Variants in PRR16 observed in about 807,000 individuals in gnomAD.
PRR16 encodes protein Largen.
A neutral mutation model predicts 18.2 loss-of-function variants in PRR16; 6 were observed. The ratio of observed to expected loss-of-function variants is 0.33; its 90% confidence interval spans 0.18 to 0.65. PRR16 has a LOEUF of 0.65. Ranked by LOEUF, PRR16 falls within the 30% of genes least tolerant of loss-of-function variation. The probability of loss-of-function intolerance (pLI) is 0.74; values close to 1 mark genes in which losing one functional copy is unlikely to be tolerated. For missense variants in PRR16, 412 were observed against 376.6 expected (o/e 1.09, Z -0.78); for synonymous variants, 151 against 147.8 (o/e 1.02, Z -0.16).
At position 120,680,852 on chromosome 5, in the gene PRR16, C is replaced by G. The variant is rs114682372; in HGVS notation, c.160-5102C>G. Among the ~76,000 whole-genome samples, 339 of 152,254 alleles carry G rather than the reference C, an allele frequency of 2.2e-3. 2 individuals are homozygous for G. The highest frequency in any genetic ancestry group is 6.8e-3 in the Middle Eastern group (2 of 294). On this transcript the variant is annotated intron_variant, in intron 1 of 1. Coordinates refer to ENST00000407149, the MANE Select transcript of PRR16 (RefSeq NM_001300783.2). ...TGTGTTCACTTCACGTGAATTGCTA[C>G]TTCATAATCTTTTTTCCACTCGTGT... is the stretch of plus-strand genomic sequence containing the variant.
intron 1 of PRR16, among the ~76,000 whole-genome samples, chr5:120,631,143 C>T (rs1000310803): frequency 1.3e-5 from 2 of 152,078 alleles, no homozygotes; most frequent in African/African-American, 4.8e-5. Flanking sequence ...AAAATAGAGA[C>T]ATCCTTATCA....
chr5:120,791,078 CATTTGTA>C, the PRR16 span, among the ~76,000 whole-genome samples: 1 of 152,022 alleles, frequency 6.6e-6, no homozygotes, highest in Non-Finnish European at 1.5e-5. Context: ...ATTAAAAAGT[CATTTGTA>C]ATTTGTATTT....
chr5:120,476,498 C>G (rs553314285), intron 1 of PRR16, among the ~76,000 whole-genome samples: 1 of 152,064 alleles, frequency 6.6e-6, no homozygotes, highest in Non-Finnish European at 1.5e-5. Context: ...AACTATGTAA[C>G]CTTCAAGAAA....
chr5:120,632,755 T>G (rs1295981654), intron 1 of PRR16, among the ~76,000 whole-genome samples: 1 of 152,154 alleles, frequency 6.6e-6, no homozygotes, highest in Non-Finnish European at 1.5e-5. Context: ...AACCTAAGAA[T>G]AATCAGTGTT....
chr5:120,702,772 G>C, the PRR16 span, among the ~76,000 whole-genome samples: 2 of 152,186 alleles, frequency 1.3e-5, no homozygotes, highest in Non-Finnish European at 2.9e-5. Context: ...TGGAGGGACA[G>C]TGAGAGAGGT....
chr5:120,785,575 G>GTTTTTTTTTTTT, the PRR16 span, among the ~76,000 whole-genome samples: 2 of 115,390 alleles, frequency 1.7e-5, no homozygotes, highest in Admixed American at 9.3e-5. Flanking sequence ...TGTTGTTGTT[G>GTTTTTTTTTTTT]TTTTTTTTTT....
the PRR16 span, among the ~76,000 whole-genome samples, chr5:120,702,553 G>A: frequency 0.012 from 1,837 of 152,212 alleles, 46 homozygotes; most frequent in African/African-American, 0.042. Flanking sequence ...GCGTCCCTGC[G>A]TGGTCTGACA....
chr5:120,649,528 T>C (rs551456147), intron 1 of PRR16, among the ~76,000 whole-genome samples: 1 of 152,148 alleles, frequency 6.6e-6, no homozygotes, highest in African/African-American at 2.4e-5. Context: ...AAAAGAAATA[T>C]GATAACTGGG....
At chr5:120,551,381 A>C (rs114484015) in intron 1 of PRR16, among the ~76,000 whole-genome samples, 1 of 152,006 alleles carries the variant, frequency 6.6e-6, no homozygotes, top group African/African-American at 2.4e-5. Context: ...AGCTTAAGTT[A>C]AAATGCCGGC....
In PRR16 at chr5:120,686,783, C is replaced by T. The variant is rs1757143352; in HGVS notation, c.*74C>T. ...TAAAATAAGTAATGAGCACTTTCTA[C>T]TCAAGCAATAAAAAGCCCAAATATA... On this transcript the variant is annotated 3_prime_UTR_variant, in exon 2 of 2. Transcript: ENST00000407149. 1.6e-6 allele frequency: 2 copies of T among 1,229,372 alleles called. No homozygotes were observed. The highest frequency in any genetic ancestry group is 2.1e-6 in the Non-Finnish European group (2 of 942,248). 76.2% of individuals were successfully genotyped at this position (1,229,372 alleles called of 1,614,324 possible).
chr5:120,750,633 C>T, the PRR16 span, among the ~76,000 whole-genome samples: 7 of 151,790 alleles, frequency 4.6e-5, no homozygotes, highest in Non-Finnish European at 8.8e-5. Flanking sequence ...CGCCACTGCA[C>T]TCCACCCTGA....
intron 1 of PRR16, among the ~76,000 whole-genome samples, chr5:120,680,855 CATA>C (rs1167711477): frequency 1.3e-5 from 2 of 152,148 alleles, no homozygotes; most frequent in African/African-American, 4.8e-5. Flanking sequence ...ATTGCTACTT[CATA>C]ATCTTTTTTC....
At chr5:120,759,275 C>CT in the PRR16 span, among the ~76,000 whole-genome samples, 1 of 152,020 alleles carries the variant, frequency 6.6e-6, no homozygotes. Context: ...CACACCCAGC[C>CT]TATACCATTA....
intron 1 of PRR16, among the ~76,000 whole-genome samples, chr5:120,676,034 T>C (rs913460383): frequency 6.6e-6 from 1 of 152,180 alleles, no homozygotes; most frequent in Non-Finnish European, 1.5e-5. Context: ...AAAAAGAATT[T>C]AGTAAAAATT....
chr5:120,569,844 G>T (rs142959572), intron 1 of PRR16, among the ~76,000 whole-genome samples: 30 of 152,062 alleles, frequency 2.0e-4, no homozygotes, highest in Admixed American at 1.9e-3. Flanking sequence ...CTGAGTAAAG[G>T]GTTGATATAC....
chr5:120,686,073 G>A lies in PRR16; in HGVS notation c.279G>A (p.Glu93=). Residue 93 remains glutamate (E), a synonymous_variant, in exon 2 of 2, where the codon GAG becomes GAA. Coordinates refer to ENST00000407149, the MANE Select transcript of PRR16 (RefSeq NM_001300783.2). ...SSSGTTASSL[E]KIKVQANAPL... is the part of the protein sequence containing the mutation. Reference sequence around the variant, plus strand: ...GTGGCACAACAGCCTCCAGCCTAGAGAAGATCAAAGTGCAGGCTAATGCAC... The same window carrying A: ...GTGGCACAACAGCCTCCAGCCTAGAAAAGATCAAAGTGCAGGCTAATGCAC... 6.2e-7 allele frequency: 1 copy of A among 1,614,120 alleles called. No individual in the cohort carries two copies. Among genetic ancestry groups the A allele is most frequent in the Non-Finnish European group, 8.5e-7 (1 of 1,180,032 alleles).
chr5:120,741,860 C>G, the PRR16 span, among the ~76,000 whole-genome samples: 1 of 152,052 alleles, frequency 6.6e-6, no homozygotes, highest in Non-Finnish European at 1.5e-5. Flanking sequence ...CGCAGCCTCC[C>G]AACGTGCTGG....
In PRR16 at chr5:120,611,410, C is replaced by T. The variant is rs183681304; in HGVS notation, c.160-74544C>T. Among the ~76,000 whole-genome samples the T allele has an allele frequency of 2.6e-5, 4 of 152,256 alleles. No individual in the cohort carries two copies. The East Asian group carries it at 7.8e-4, about 30-fold the overall frequency. ...GCTATGTCAGAGACCTTCACAGCAG[C>T]CCCTGCCATCACAGGCCCAGAGGCC... On this transcript the variant is annotated intron_variant, in intron 1 of 1. Transcript: ENST00000407149.
At chr5:120,791,695 C>T in the PRR16 span, among the ~76,000 whole-genome samples, 1 of 151,526 alleles carries the variant, frequency 6.6e-6, no homozygotes, top group Non-Finnish European at 1.5e-5. Flanking sequence ...GGTAATCATA[C>T]TGGAGCAAAA....
Sources: gnomAD v4.1 joint callset for allele counts (sites outside exome capture counted in the v4.1 genomes callset) on GRCh38, gnomAD v4.1.1 for gene constraint, MANE v1.5 for transcripts, NCBI Gene and HGNC (gene_info 2026-07-23, HGNC 2026-07-21) for gene names.